Variants in DNAJC3 observed in about 807,000 individuals in gnomAD.
The protein encoded by DNAJC3 is dnaJ homolog subfamily C member 3.
In DNAJC3, 38 loss-of-function variants were observed where a neutral mutation model predicts 68.6. That is an observed-to-expected ratio of 0.55 (90% confidence interval 0.43 to 0.73). The LOEUF (loss-of-function observed/expected upper bound fraction) is 0.73, where lower values mean the gene tolerates loss of function less well. Among genes scored for constraint, DNAJC3 ranks in the 30% least tolerant of loss-of-function variants. The pLI is 0.00. For missense variants in DNAJC3, 526 were observed against 591.9 expected (o/e 0.89, Z 1.16); for synonymous variants, 203 against 204.0 (o/e 1.00, Z 0.04).
chr13:95,771,442 G>A (rs1883156297), intron 9 of DNAJC3, among the ~76,000 whole-genome samples: 2 of 152,116 alleles, frequency 1.3e-5, no homozygotes, highest in South Asian at 4.1e-4. Flanking sequence ...GGACAAATGG[G>A]GATTTATAAC....
Position 95,763,964 on chromosome 13 carries a change from A to G in DNAJC3, c.1075+11A>G, listed in dbSNP as rs1566506053. The G allele has an allele frequency of 6.2e-7, 1 of 1,613,230 alleles. No homozygotes were observed. On this transcript the variant is annotated intron_variant, in intron 9 of 11. Transcript: ENST00000602402. ...AAATGTATGATGAAGGTAAATCTTT[A>G]AGGATTTGATTTGCAGTACCGAAGT...
chr13:95,690,038 G>C (rs1880186784), intron 1 of DNAJC3, among the ~76,000 whole-genome samples: 1 of 151,424 alleles, frequency 6.6e-6, no homozygotes, highest in South Asian at 2.1e-4. Context: ...CGCAGAGGGG[G>C]ATTTGGCAGG....
intron 1 of DNAJC3, among the ~76,000 whole-genome samples, chr13:95,677,572 G>T (rs905226397): frequency 1.8e-4 from 28 of 152,250 alleles, no homozygotes; most frequent in Admixed American, 2.6e-4. Flanking sequence ...TAAGGAACCG[G>T]GCCGCAGGAG....
chr13:95,690,443 C>T (rs1354262279), intron 1 of DNAJC3, among the ~76,000 whole-genome samples: 1 of 151,794 alleles, frequency 6.6e-6, no homozygotes, highest in Non-Finnish European at 1.5e-5. Flanking sequence ...CCTTTCCCCC[C>T]TTTCTATTCC....
chr13:95,791,876 A>C lies in DNAJC3; in HGVS notation c.*846A>C, dbSNP rs953337079. The stretch of plus-strand genomic sequence containing the variant: ...TAAACAACTGAAGTTCTGAGTTTTT[A>C]TAGGGAATTTCATGTAACAAGACTG... On this transcript the variant is annotated 3_prime_UTR_variant, in exon 12 of 12. Coordinates refer to ENST00000602402, the MANE Select transcript of DNAJC3 (RefSeq NM_006260.5). 1 of 152,252 alleles carries C rather than the reference A, an allele frequency of 6.6e-6. No homozygotes were observed. Among genetic ancestry groups the C allele is most frequent in the East Asian group, 1.9e-4 (1 of 5,202 alleles). The allele number at this position is 152,252 out of a possible 1,614,324, so 9.4% of individuals were successfully genotyped here.
At chr13:95,725,387 C>T in intron 4 of DNAJC3, 135 bp downstream of exon 4, 1 of 510,302 alleles carries the variant, frequency 2.0e-6, no homozygotes, top group Non-Finnish European at 3.3e-6. Context: ...AGAGAATAGC[C>T]AGATTTATAT....
intron 11 of DNAJC3, among the ~76,000 whole-genome samples, chr13:95,790,431 C>T (rs1011848326): frequency 2.6e-5 from 4 of 152,140 alleles, no homozygotes; most frequent in African/African-American, 4.8e-5. Flanking sequence ...GTCTGAGGAG[C>T]CTTAGTGCTA....
At chr13:95,730,322 A>G (rs1265715062) in intron 4 of DNAJC3, among the ~76,000 whole-genome samples, 2 of 152,044 alleles carry the variant, frequency 1.3e-5, no homozygotes, top group Admixed American at 6.6e-5. Context: ...ATATAATACC[A>G]TTTGTTTATT....
chr13:95,698,355 A>G (rs1307410421), intron 1 of DNAJC3, among the ~76,000 whole-genome samples: 1 of 152,140 alleles, frequency 6.6e-6, no homozygotes, highest in Non-Finnish European at 1.5e-5. Flanking sequence ...GACAGTGGAA[A>G]TTCCCCCATC....
At chr13:95,755,756 C>CAAAAAA (rs56659621) in intron 4 of DNAJC3, among the ~76,000 whole-genome samples, 10 of 15,000 alleles carry the variant, frequency 6.7e-4, no homozygotes, top group East Asian at 3.6e-3. Context: ...GACGCCGTCT[C>CAAAAAA]AAAAAAAAAA....
intron 5 of DNAJC3, among the ~76,000 whole-genome samples, chr13:95,758,374 G>T (rs1882727273): frequency 1.3e-5 from 2 of 151,612 alleles, no homozygotes; most frequent in South Asian, 4.2e-4. Flanking sequence ...GGTGGCTCAT[G>T]CCTGTAATCC....
chr13:95,785,168 A>C (rs1883562873), intron 9 of DNAJC3, among the ~76,000 whole-genome samples: 1 of 151,964 alleles, frequency 6.6e-6, no homozygotes, highest in Non-Finnish European at 1.5e-5. Flanking sequence ...CCATTGGCCA[A>C]ACCCACCTCC....
At chr13:95,754,743 G>A (rs1267779219) in intron 4 of DNAJC3, among the ~76,000 whole-genome samples, 1 of 152,074 alleles carries the variant, frequency 6.6e-6, no homozygotes, top group Admixed American at 6.6e-5. Context: ...GCTCCAGAAA[G>A]GCATGAATAC....
At chr13:95,772,279 TTATC>T (rs1883179691) in intron 9 of DNAJC3, among the ~76,000 whole-genome samples, 3 of 152,224 alleles carry the variant, frequency 2.0e-5, no homozygotes, top group Non-Finnish European at 4.4e-5. Context: ...ATATCACACT[TTATC>T]TACTGTCATA....
At chr13:95,748,779 A>G (rs1190234100) in intron 4 of DNAJC3, among the ~76,000 whole-genome samples, 2 of 152,142 alleles carry the variant, frequency 1.3e-5, no homozygotes, top group African/African-American at 4.8e-5. Context: ...TTGCACCACT[A>G]TACTCCAGCC....
At chr13:95,755,011 C>T (rs954616167) in intron 4 of DNAJC3, among the ~76,000 whole-genome samples, 1 of 151,910 alleles carries the variant, frequency 6.6e-6, no homozygotes, top group Non-Finnish European at 1.5e-5. Flanking sequence ...AATGTGAAAG[C>T]CCTAAGGAAG....
chr13:95,777,103 C>T (rs983687072), intron 9 of DNAJC3, among the ~76,000 whole-genome samples: 2 of 152,142 alleles, frequency 1.3e-5, no homozygotes, highest in African/African-American at 4.8e-5. Context: ...AGAATTTTCC[C>T]TGCTTTCTTC....
At chr13:95,762,366 C>T (rs1882851397) in intron 7 of DNAJC3, among the ~76,000 whole-genome samples, 1 of 152,004 alleles carries the variant, frequency 6.6e-6, no homozygotes, top group Non-Finnish European at 1.5e-5. Flanking sequence ...TACCTGTTGG[C>T]GTTTCTGCAT....
rs1318280070 is a variant in DNAJC3 at position 95,764,673 on chromosome 13, T to C, written c.1075+720T>C. Among the ~76,000 whole-genome samples, 39 of 122,802 alleles carry C rather than the reference T, an allele frequency of 3.2e-4. 1 individual carries two copies. Among genetic ancestry groups the C allele is most frequent in the African/African-American group, 1.1e-3 (32 of 28,210 alleles). 80.6% of individuals were successfully genotyped at this position (122,802 alleles called of 152,430 possible). ...ATATATATATATATATATATATATA[T>C]ATATATATATACACACACACACATA... On this transcript the variant is annotated intron_variant, in intron 9 of 11. Coordinates refer to ENST00000602402, the MANE Select transcript of DNAJC3 (RefSeq NM_006260.5).
Sources: gnomAD v4.1 joint callset for allele counts (sites outside exome capture counted in the v4.1 genomes callset) on GRCh38, gnomAD v4.1.1 for gene constraint, MANE v1.5 for transcripts, NCBI Gene and HGNC (gene_info 2026-07-23, HGNC 2026-07-21) for gene names.